The following AKAP17A variants were observed in gnomAD, a reference collection of about 807,000 sequenced individuals.
The protein encoded by AKAP17A is A-kinase anchor protein 17A.
Under a neutral mutation model 52.2 loss-of-function variants are expected in AKAP17A, and 15 were observed. The ratio of observed to expected loss-of-function variants is 0.29; its 90% CI spans 0.19 to 0.44. The LOEUF (loss-of-function observed/expected upper bound fraction) is 0.44. Among genes scored for constraint, AKAP17A ranks in the 20% least tolerant of loss-of-function variants. The pLI is 1.00. For synonymous variants in AKAP17A, 514 were observed against 424.7 expected (o/e 1.21, Z -2.58); for missense variants, 1,060 against 1,007.0 (o/e 1.05, Z -0.71).
chrX:1,596,475 G>A (rs1217465514), intron 3 of AKAP17A, among the ~76,000 whole-genome samples: 1 of 51,342 alleles, frequency 1.9e-5, no homozygotes, highest in Non-Finnish European at 3.8e-5. Flanking sequence ...CTAGTGAGGT[G>A]GATTCCTCCT....
Position 1,601,253 on chromosome X carries a change from C to T in AKAP17A, c.1747C>T (p.Pro583Ser). 6.2e-7 allele frequency: 1 copy of T among 1,613,616 alleles called. No homozygotes were observed. Among genetic ancestry groups the T allele is most frequent in the Non-Finnish European group, 8.5e-7 (1 of 1,179,708 alleles). The change falls in exon 5 of 5, where the codon CCC (proline) becomes TCC (serine). Residue 583 changes from proline (P) to serine (S), a missense_variant. This residue lies in a region of AKAP17A where 793 missense variants were observed against 629.9 expected (regional missense o/e 1.26). Coordinates refer to ENST00000313871, the MANE Select transcript of AKAP17A (RefSeq NM_005088.3). Reference sequence around the variant, plus strand: ...AGAACAGGACAAGTGCAACCGGGAGCCCAGCAAGGGCCGGGGCCGGGCCAC... The same window carrying T: ...AGAACAGGACAAGTGCAACCGGGAGTCCAGCAAGGGCCGGGGCCGGGCCAC... ...RSEQDKCNRE[P>S]SKGRGRATGD...
chrX:1,591,998 A>C (rs1232010839), intron 1 of AKAP17A, among the ~76,000 whole-genome samples: 6 of 148,222 alleles, frequency 4.0e-5, no homozygotes, highest in African/African-American at 1.5e-4. Context: ...GGGTCCCTGG[A>C]AGTAGGGGTA....
intron 1 of AKAP17A, 60 bp from the exon 2 acceptor site, chrX:1,593,381 CCCT>C (rs1932872821): frequency 7.9e-6 from 12 of 1,527,800 alleles, no homozygotes; most frequent in Non-Finnish European, 8.9e-6. Flanking sequence ...CTGGCTTGGC[CCCT>C]CCTCATTGGC....
Position 1,593,447 on chromosome X carries a change from C to T in AKAP17A, c.-16C>T, listed in dbSNP as rs753045152. ...CTGTCTGCGTCTTATGTTTCAGGCCCAAGGTCCCGGAGGCTATGGCAGCGG... is the reference window on the plus strand; with the variant it reads ...CTGTCTGCGTCTTATGTTTCAGGCCTAAGGTCCCGGAGGCTATGGCAGCGG... On this transcript the variant is annotated 5_prime_UTR_variant, in exon 2 of 5. Transcript: ENST00000313871. 37 of 1,604,824 alleles carry T rather than the reference C, an allele frequency of 2.3e-5. No homozygotes were observed. The highest frequency in any genetic ancestry group is 3.2e-5 in the Non-Finnish European group (37 of 1,173,552).
chrX:1,592,652 T>A (rs1932858700), intron 1 of AKAP17A, among the ~76,000 whole-genome samples: 2 of 151,824 alleles, frequency 1.3e-5, no homozygotes, highest in South Asian at 2.1e-4. Context: ...TCCAGGTTGA[T>A]GGGGTGGGCG....
At chrX:1,597,647 C>T (rs1268187760) in intron 3 of AKAP17A, among the ~76,000 whole-genome samples, 11 of 151,980 alleles carry the variant, frequency 7.2e-5, no homozygotes, top group Middle Eastern at 3.4e-3. Flanking sequence ...CTCAGAGCCT[C>T]GGACCTCTCG....
At position 1,601,022 on chromosome X, in the gene AKAP17A, G is replaced by A. The variant is rs138388004; in HGVS notation, c.1516G>A (p.Asp506Asn). The stretch of plus-strand genomic sequence containing the variant: ...GGAGAGCCCGGCCCACCCAGAGGCC[G>A]ACGGCGCTCCCAAAAGCGTGAACGG... ...PKESPAHPEADGAPKSVNGSV... is the reference protein window; with the variant it reads ...PKESPAHPEANGAPKSVNGSV... Residue 506 changes from aspartate (D) to asparagine (N), a missense_variant, in exon 5 of 5, where the codon GAC (aspartate) becomes AAC (asparagine). This residue lies in a region of AKAP17A where 793 missense variants were observed against 629.9 expected (regional missense o/e 1.26). Transcript: ENST00000313871. 1,133 of 1,610,850 alleles carry A rather than the reference G, an allele frequency of 7.0e-4. 2 individuals are homozygous for A. The highest frequency in any genetic ancestry group is 8.2e-4 in the Non-Finnish European group (965 of 1,179,096).
At chrX:1,592,006 GT>G (rs1224414911) in intron 1 of AKAP17A, among the ~76,000 whole-genome samples, 4 of 151,398 alleles carry the variant, frequency 2.6e-5, no homozygotes, top group Admixed American at 6.6e-5. Context: ...GGAAGTAGGG[GT>G]AGGGGCTGGA....
chrX:1,592,984 TCCA>T (rs1932865360), intron 1 of AKAP17A, among the ~76,000 whole-genome samples: 1 of 152,154 alleles, frequency 6.6e-6, no homozygotes, highest in Non-Finnish European at 1.5e-5. Flanking sequence ...CGCCGCCCCC[TCCA>T]CAAAACCTTT....
At chrX:1,594,924 G>A (rs1158429749) in intron 2 of AKAP17A, among the ~76,000 whole-genome samples, 6 of 152,148 alleles carry the variant, frequency 3.9e-5, no homozygotes, top group Admixed American at 1.3e-4. Flanking sequence ...GCCTAGCCTC[G>A]TGTTTTGACC....
At chrX:1,600,084 C>A in intron 4 of AKAP17A, 1 of 1,099,588 alleles carries the variant, frequency 9.1e-7, no homozygotes, top group Non-Finnish European at 1.2e-6. Context: ...AGGAGGGCTG[C>A]GTCCCCCTGG....
In AKAP17A at chrX:1,600,978, C is replaced by A. The variant is rs1396595169; in HGVS notation, c.1472C>A (p.Pro491His). ...ATTLHPLGGQ[P>H]PAGAPKESPA... Reference sequence around the variant, plus strand: ...ACGCTGCACCCCCTCGGGGGCCAGCCCCCGGCCGGTGCCCCCAAGGAGAGC... The same window carrying A: ...ACGCTGCACCCCCTCGGGGGCCAGCACCCGGCCGGTGCCCCCAAGGAGAGC... The change falls in exon 5 of 5, where the codon CCC (proline) becomes CAC (histidine). Residue 491 changes from proline to histidine, a missense_variant. Physicochemically the swap from Pro to His is moderately conservative, Grantham distance 77. Around this residue, in one of 2 missense-constraint regions of AKAP17A, gnomAD observed 793 missense variants for 629.9 expected, o/e 1.26. Coordinates refer to ENST00000313871, the MANE Select transcript of AKAP17A (RefSeq NM_005088.3). The A allele has an allele frequency of 6.3e-7, 1 of 1,594,990 alleles. No homozygotes were observed. Among genetic ancestry groups the A allele is most frequent in the Non-Finnish European group, 8.5e-7 (1 of 1,172,290 alleles).
chrX:1,594,458 C>G lies in AKAP17A; in HGVS notation c.762+234C>G, dbSNP rs141594708. On this transcript the variant is annotated intron_variant, in intron 2 of 4. Coordinates refer to ENST00000313871, the MANE Select transcript of AKAP17A (RefSeq NM_005088.3). ...TATCTTAAGGAAGATGTGGGGGAGA[C>G]ACAGGTCATATAGTAGGTGAGGGAT... Among the ~76,000 whole-genome samples, 195 of 152,124 alleles carry G rather than the reference C, an allele frequency of 1.3e-3. 4 individuals carry two copies. The highest frequency in any genetic ancestry group is 0.011 in the South Asian group (55 of 4,806).
chrX:1,594,874 C>G (rs1486619056), intron 2 of AKAP17A, among the ~76,000 whole-genome samples: 1 of 152,196 alleles, frequency 6.6e-6, no homozygotes, highest in Admixed American at 6.5e-5. Flanking sequence ...GCCTCGCCCT[C>G]CCAAAGTGCT....
At position 1,595,654 on chromosome X, in the gene AKAP17A, TTGTG is replaced by T. The variant is rs1481346653; in HGVS notation, c.911+128_911+131del. ...TGTGTGTGCATGCATGCTTGTGAGC[TTGTG>T]TGTGTACCTGTGTGCATGGACGCAC... On this transcript the variant is annotated intron_variant, in intron 3 of 4. Coordinates refer to ENST00000313871, the MANE Select transcript of AKAP17A (RefSeq NM_005088.3). 1.2e-4 allele frequency: 181 copies of T among 1,467,466 alleles called. No individual in the cohort carries two copies. In the East Asian group the frequency reaches 4.0e-3, roughly 32 times the overall value. The allele number at this position is 1,467,466 out of a possible 1,614,324, so 90.9% of individuals were successfully genotyped here. A position where few individuals can be genotyped will look rare whatever the true frequency, so the allele number is the denominator to read the frequency against.
chrX:1,599,943 A>AC (rs1323562795), intron 4 of AKAP17A: 1 of 478,050 alleles, frequency 2.1e-6, no homozygotes. Context: ...GGTACTGACG[A>AC]CCCCCTCAGC....
chrX:1,593,415 G>A (rs770323467), intron 1 of AKAP17A, 29 bp from the exon 2 acceptor site: 2 of 1,574,098 alleles, frequency 1.3e-6, no homozygotes, highest in Non-Finnish European at 1.7e-6. Flanking sequence ...GGGGGTGCTG[G>A]TGCTGACTGT....
At position 1,601,834 on chromosome X, in the gene AKAP17A, T is replaced by TC; in HGVS notation, c.*242dup. 2.4e-6 allele frequency: 1 copy of TC among 409,228 alleles called. No individual in the cohort carries two copies. The highest frequency in any genetic ancestry group is 4.3e-6 in the Non-Finnish European group (1 of 234,548). 25.3% of individuals were successfully genotyped at this position (409,228 alleles called of 1,614,324 possible). A position where few individuals can be genotyped will look rare whatever the true frequency, so the allele number is the denominator to read the frequency against. On this transcript the variant is annotated 3_prime_UTR_variant, in exon 5 of 5. Transcript: ENST00000313871. ...AAACACGTAGTCCTTTAAAACTTGA[T>TC]CCGATAGCTTTAATGCGGCCGGTCC...
Position 1,595,251 on chromosome X carries a change from T to C in AKAP17A, c.763-133T>C, listed in dbSNP as rs1932922725. On this transcript the variant is annotated intron_variant, in intron 2 of 4. Transcript: ENST00000313871. ...TGTCTGGGTCTGCACCGGACATGAG[T>C]GGTGAGCGGTGAGCGGTGAGCGGGC... 3 of 211,220 alleles carry C rather than the reference T, an allele frequency of 1.4e-5. 1 individual carries two copies. Among genetic ancestry groups the C allele is most frequent in the Non-Finnish European group, 6.3e-6 (1 of 159,652 alleles). The allele number at this position is 211,220 out of a possible 1,614,324, so 13.1% of individuals were successfully genotyped here.
Sources: allele counts gnomAD v4.1 joint callset (sites outside exome capture counted in the v4.1 genomes callset), GRCh38; gene constraint gnomAD v4.1.1; regional missense constraint gnomAD v4.1.1; transcripts MANE v1.5; gene names NCBI Gene and HGNC (gene_info 2026-07-23, HGNC 2026-07-21).